Variants in RFX7 observed in about 807,000 individuals in gnomAD.
RFX7 encodes the protein regulatory factor X7.
In RFX7, 26 loss-of-function variants were observed where a neutral mutation model predicts 111.8. The observed-to-expected ratio is 0.23, with a 90% CI of 0.17 to 0.32. The LOEUF (loss-of-function observed/expected upper bound fraction) is 0.32. Among genes scored for constraint, RFX7 ranks in the 10% least tolerant of loss-of-function variants. The pLI is 1.00. For missense variants in RFX7, 1,573 were observed against 1,772.9 expected (o/e 0.89, Z 2.02); for synonymous variants, 624 against 624.4 (o/e 1.00, Z 0.01).
At chr15:56,142,614 T>G (rs1367349087) in intron 5 of RFX7, among the ~76,000 whole-genome samples, 164 bp downstream of exon 5, 1 of 152,204 alleles carries the variant, frequency 6.6e-6, no homozygotes, top group East Asian at 1.9e-4. Flanking sequence ...TTATTATAAA[T>G]GCTACTACAG....
At chr15:56,235,349 T>A (rs969935937) in intron 2 of RFX7, among the ~76,000 whole-genome samples, 1 of 152,142 alleles carries the variant, frequency 6.6e-6, no homozygotes, top group African/African-American at 2.4e-5. Context: ...TAATTTTTTA[T>A]ATTTTTAGTA....
chr15:56,122,884 G>C (rs1181509831), intron 5 of RFX7, among the ~76,000 whole-genome samples: 1 of 152,100 alleles, frequency 6.6e-6, no homozygotes, highest in East Asian at 1.9e-4. Context: ...CAGTCAGCCT[G>C]TGGTGAATGC....
chr15:56,240,471 T>G (rs948814978), intron 2 of RFX7, among the ~76,000 whole-genome samples: 1 of 152,168 alleles, frequency 6.6e-6, no homozygotes, highest in Admixed American at 6.5e-5. Context: ...GATATTTCAA[T>G]GCACATACTT....
Position 56,096,204 on chromosome 15 carries a change from A to T in RFX7, c.1524T>A (p.Val508=). The change falls in exon 10 of 10, where the codon GTT becomes GTA. Residue 508 remains valine (V), a synonymous_variant. Coordinates refer to ENST00000559447, the MANE Select transcript of RFX7 (RefSeq NM_022841.7). ...ATGTTEESRS[V]PQIKNGSVVS... ...CGACAGAACCATTCTTGATCTGTGG[A>T]ACACTCCTTGATTCTTCTGTTGTTC... 6.2e-7 allele frequency: 1 copy of T among 1,613,884 alleles called. No homozygotes were observed. The highest frequency in any genetic ancestry group is 8.5e-7 in the Non-Finnish European group (1 of 1,179,868).
intron 5 of RFX7, among the ~76,000 whole-genome samples, chr15:56,130,779 A>G (rs2042201386): frequency 6.6e-6 from 1 of 152,120 alleles, no homozygotes; most frequent in Non-Finnish European, 1.5e-5. Context: ...GAAATATGAA[A>G]AAAGAGGAAA....
intron 5 of RFX7, among the ~76,000 whole-genome samples, chr15:56,123,945 A>G (rs1414357601): frequency 5.9e-5 from 9 of 152,162 alleles, no homozygotes; most frequent in Admixed American, 5.2e-4. Context: ...CAGCAATTCA[A>G]GACTTTTTTT....
Position 56,092,233 on chromosome 15 carries a change from G to A in RFX7, c.*1112C>T, listed in dbSNP as rs1287981370. 1 of 152,490 alleles carries A rather than the reference G, an allele frequency of 6.6e-6. No homozygotes were observed. Among genetic ancestry groups the A allele is most frequent in the Non-Finnish European group, 1.5e-5 (1 of 67,976 alleles). 9.4% of individuals were successfully genotyped at this position (152,490 alleles called of 1,614,324 possible). ...TTGATATCCCCTTTGTTTCATCAGA[G>A]ATATAAAGATTTGTGGCTTCAGACC... is the stretch of plus-strand genomic sequence containing the variant. On this transcript the variant is annotated 3_prime_UTR_variant, in exon 10 of 10. Coordinates refer to ENST00000559447, the MANE Select transcript of RFX7 (RefSeq NM_022841.7).
intron 2 of RFX7, among the ~76,000 whole-genome samples, chr15:56,180,466 C>A (rs1391675077): frequency 6.6e-6 from 1 of 152,272 alleles, no homozygotes; most frequent in Admixed American, 6.5e-5. Context: ...GCTTATAATT[C>A]ATTGGCACCT....
rs1337729448 is a variant in RFX7, at chr15:56,091,149, A to G, written c.*2196T>C. The G allele has an allele frequency of 6.6e-6, 1 of 152,596 alleles. No individual in the cohort carries two copies. The highest frequency in any genetic ancestry group is 1.5e-5 in the Non-Finnish European group (1 of 68,004). The allele number at this position is 152,596 out of a possible 1,614,324, so 9.5% of individuals were successfully genotyped here. A position where few individuals can be genotyped will look rare whatever the true frequency, so the allele number is the denominator to read the frequency against. The stretch of plus-strand genomic sequence containing the variant: ...AACATGGTGAAGCAAACTAAACTTA[A>G]TTCTTCCTGCTGTAATATTCTCATG... On this transcript the variant is annotated 3_prime_UTR_variant, in exon 10 of 10. Transcript: ENST00000559447.
chr15:56,091,857 C>G lies in RFX7; in HGVS notation c.*1488G>C, dbSNP rs548625212. 1 of 152,614 alleles carries G rather than the reference C, an allele frequency of 6.6e-6. No homozygotes were observed. The highest frequency in any genetic ancestry group is 2.1e-4 in the South Asian group (1 of 4,824). 9.5% of individuals were successfully genotyped at this position (152,614 alleles called of 1,614,324 possible). A position where few individuals can be genotyped will look rare whatever the true frequency, so the allele number is the denominator to read the frequency against. Reference sequence around the variant, plus strand: ...AACAACAAAACCTTATTAAACCCTTCAGCACATTTGCTAAATATTCATTGA... The same window carrying G: ...AACAACAAAACCTTATTAAACCCTTGAGCACATTTGCTAAATATTCATTGA... On this transcript the variant is annotated 3_prime_UTR_variant, in exon 10 of 10. Transcript: ENST00000559447.
At chr15:56,227,887 C>T (rs2043503335) in intron 2 of RFX7, among the ~76,000 whole-genome samples, 1 of 152,128 alleles carries the variant, frequency 6.6e-6, no homozygotes, top group South Asian at 2.1e-4. Context: ...TTGTGCAAGG[C>T]AGTTCTACCA....
chr15:56,137,763 T>C (rs552424313), intron 5 of RFX7, among the ~76,000 whole-genome samples: 2 of 152,250 alleles, frequency 1.3e-5, no homozygotes, highest in South Asian at 4.1e-4. Flanking sequence ...GTGCTATAAA[T>C]TTCCCTCTAC....
In RFX7 at chr15:56,088,442, T is replaced by C. The variant is rs547392371; in HGVS notation, c.*4903A>G. The C allele has an allele frequency of 6.6e-6, 1 of 152,288 alleles. No individual in the cohort carries two copies. The highest frequency in any genetic ancestry group is 2.4e-5 in the African/African-American group (1 of 41,576). The allele number at this position is 152,288 out of a possible 1,614,324, so 9.4% of individuals were successfully genotyped here. A position where few individuals can be genotyped will look rare whatever the true frequency, so the allele number is the denominator to read the frequency against. ...TCTATATACCACAGTAATATCACTC[T>C]CATGATATATTTTATTTATATGACT... is the stretch of plus-strand genomic sequence containing the variant. On this transcript the variant is annotated 3_prime_UTR_variant, in exon 10 of 10. Transcript: ENST00000559447.
chr15:56,175,601 T>TA (rs2042895471), intron 3 of RFX7, among the ~76,000 whole-genome samples: 5 of 152,118 alleles, frequency 3.3e-5, no homozygotes, highest in Non-Finnish European at 2.9e-5. Context: ...TGATTTTTGA[T>TA]ATAGGAAGTG....
intron 2 of RFX7, among the ~76,000 whole-genome samples, chr15:56,234,701 CA>C (rs1197420108): frequency 6.6e-6 from 1 of 151,992 alleles, no homozygotes; most frequent in African/African-American, 2.4e-5. Flanking sequence ...ATGCTTACTG[CA>C]AAAACAATGG....
chr15:56,101,019 GATACAC>G (rs1234659237), intron 8 of RFX7, among the ~76,000 whole-genome samples: 10 of 151,758 alleles, frequency 6.6e-5, no homozygotes, highest in African/African-American at 2.4e-4. Context: ...TATTAATTTA[GATACAC>G]ATATACATAT....
At position 56,101,592 on chromosome 15, in the gene RFX7, A is replaced by C. The variant is rs1301751223; in HGVS notation, c.604-26T>G. The C allele has an allele frequency of 3.2e-6, 5 of 1,576,822 alleles. No individual in the cohort carries two copies. In the South Asian group the frequency reaches 5.6e-5, roughly 18 times the overall value. Reference sequence around the variant, plus strand: ...CTAGGCAAAGAAAAAAGGAAATGTTAACTTGTAAAAGACCAGAGAAATTAA... The same window carrying C: ...CTAGGCAAAGAAAAAAGGAAATGTTCACTTGTAAAAGACCAGAGAAATTAA... On this transcript the variant is annotated intron_variant, in intron 7 of 9. Transcript: ENST00000559447.
At chr15:56,120,255 AG>A (rs1443378630) in intron 5 of RFX7, among the ~76,000 whole-genome samples, 13 of 152,254 alleles carry the variant, frequency 8.5e-5, no homozygotes, top group African/African-American at 3.1e-4. Context: ...TTTTATTTGT[AG>A]CTATTGTAAA....
At chr15:56,099,950 G>A (rs1035173127) in intron 8 of RFX7, among the ~76,000 whole-genome samples, 1 of 152,186 alleles carries the variant, frequency 6.6e-6, no homozygotes, top group Non-Finnish European at 1.5e-5. Flanking sequence ...GGAAAGAGAT[G>A]TTTCTTTTCC....
Sources: allele counts gnomAD v4.1 joint callset (sites outside exome capture counted in the v4.1 genomes callset), GRCh38; gene constraint gnomAD v4.1.1; transcripts MANE v1.5; gene names NCBI Gene and HGNC (gene_info 2026-07-23, HGNC 2026-07-21).